PHAX: variants seen among roughly 807,000 people sequenced by gnomAD.
PHAX encodes phosphorylated adapter RNA export protein.
In PHAX, 31 loss-of-function variants were observed where a neutral mutation model predicts 41.6. The observed-to-expected ratio is 0.75, with a 90% CI of 0.56 to 1.01. The LOEUF is 1.01. Ranked by LOEUF, PHAX falls within the 50% of genes least tolerant of loss-of-function variation. PHAX has a pLI of 0.00. For synonymous variants in PHAX, 175 were observed against 164.9 expected (o/e 1.06, Z -0.47); for missense variants, 453 against 472.9 (o/e 0.96, Z 0.39).
chr5:126,609,723 A>C (rs555062767), intron 3 of PHAX, among the ~76,000 whole-genome samples: 32 of 151,894 alleles, frequency 2.1e-4, no homozygotes, highest in African/African-American at 4.6e-4. Flanking sequence ...AAAAAAAAAA[A>C]ACAAAACACC....
At chr5:126,619,512 G>A (rs767061971) in intron 4 of PHAX, among the ~76,000 whole-genome samples, 1 of 150,588 alleles carries the variant, frequency 6.6e-6, no homozygotes, top group Non-Finnish European at 1.5e-5. Context: ...GGAGGTGGAC[G>A]TCGCAGTAAG....
At position 126,608,480 on chromosome 5, in the gene PHAX, T is replaced by TAA; in HGVS notation, c.828_829dup (p.Met277LysfsTer2). 6.2e-7 allele frequency: 1 copy of TAA among 1,613,178 alleles called. No homozygotes were observed. The highest frequency in any genetic ancestry group is 8.5e-7 in the Non-Finnish European group (1 of 1,179,336). ...GTTGAACAAAATGGTGGTCTCTTTA[T>TAA]AATGGTAAGACTGCTTAACTGTTTT... On this transcript the variant is annotated frameshift_variant, in exon 3 of 5. Coordinates refer to ENST00000297540, the MANE Select transcript of PHAX (RefSeq NM_032177.4). LOFTEE classifies it high-confidence loss of function.
At chr5:126,610,208 T>C (rs908459279) in intron 3 of PHAX, among the ~76,000 whole-genome samples, 1 of 152,242 alleles carries the variant, frequency 6.6e-6, no homozygotes, top group Non-Finnish European at 1.5e-5. Context: ...AGCTCTTTAC[T>C]GTTTCAGAAT....
chr5:126,618,594 A>G (rs1203074265), intron 4 of PHAX, among the ~76,000 whole-genome samples: 1 of 150,928 alleles, frequency 6.6e-6, no homozygotes, highest in Non-Finnish European at 1.5e-5. Context: ...CATTTGTTGT[A>G]TCTCCTCCTG....
Position 126,603,829 on chromosome 5 carries a change from G to T in PHAX, c.356G>T (p.Gly119Val). Residue 119 changes from glycine to valine, a missense_variant, in exon 2 of 5, where the codon GGT becomes GTT. Coordinates refer to ENST00000297540, the MANE Select transcript of PHAX (RefSeq NM_032177.4). ...GGAAAGAAGATTAACAACATATGGGGTGCTGTGCTGCAGGAACAGAATCAA... is the reference window on the plus strand; with the variant it reads ...GGAAAGAAGATTAACAACATATGGGTTGCTGTGCTGCAGGAACAGAATCAA... ...AGGKKINNIW[G>V]AVLQEQNQDA... The T allele has an allele frequency of 6.2e-7, 1 of 1,614,116 alleles. No homozygotes were observed. The highest frequency in any genetic ancestry group is 1.1e-5 in the South Asian group (1 of 91,076).
chr5:126,623,799 C>A lies in PHAX; in HGVS notation c.916-776C>A, dbSNP rs1752307146. On this transcript the variant is annotated intron_variant, in intron 4 of 4. Coordinates refer to ENST00000297540, the MANE Select transcript of PHAX (RefSeq NM_032177.4). ...ACAAGAAGGGATTGGGATTTGTATT[C>A]TTTAAGAATATAACAGGGACTGGCT... Among the ~76,000 whole-genome samples, 4 of 152,044 alleles carry A rather than the reference C, an allele frequency of 2.6e-5. 1 individual carries two copies. The highest frequency in any genetic ancestry group is 7.2e-5 in the African/African-American group (3 of 41,394).
intron 4 of PHAX, among the ~76,000 whole-genome samples, chr5:126,619,448 C>T (rs575034775): frequency 4.6e-5 from 7 of 151,838 alleles, no homozygotes; most frequent in Admixed American, 6.6e-5. Context: ...TGGTGGCGGG[C>T]GCCTGTAATC....
chr5:126,604,907 G>T (rs556323561), intron 2 of PHAX, among the ~76,000 whole-genome samples: 1 of 151,964 alleles, frequency 6.6e-6, no homozygotes, highest in Non-Finnish European at 1.5e-5. Context: ...GGTAGTGGGC[G>T]CCTGTAATCC....
chr5:126,613,857 C>A (rs1314793830), intron 3 of PHAX, among the ~76,000 whole-genome samples: 1 of 151,562 alleles, frequency 6.6e-6, no homozygotes, highest in Non-Finnish European at 1.5e-5. Flanking sequence ...GTCACTGCAG[C>A]CTCGACCTCC....
chr5:126,623,407 A>G (rs1439651705), intron 4 of PHAX, among the ~76,000 whole-genome samples: 1 of 152,206 alleles, frequency 6.6e-6, no homozygotes, highest in Non-Finnish European at 1.5e-5. Context: ...AAGGATAGTT[A>G]ACTACCTCAT....
rs145915074 is a variant in PHAX, at chr5:126,604,126, G to A, written c.653G>A (p.Arg218Gln). ...GNRPEMNYKGRYEITAEDSQE... is the reference protein window; with the variant it reads ...GNRPEMNYKGQYEITAEDSQE... ...AGACCAGAAATGAACTATAAAGGTC[G>A]ATACGAGATCACAGCGGAAGATTCT... The change falls in exon 2 of 5, where the codon CGA (arginine) becomes CAA (glutamine). Residue 218 changes from arginine to glutamine, a missense_variant. Physicochemically the swap from Arg to Gln is conservative, Grantham distance 43. Coordinates refer to ENST00000297540, the MANE Select transcript of PHAX (RefSeq NM_032177.4). The A allele has an allele frequency of 9.0e-5, 143 of 1,588,984 alleles. No homozygotes were observed. In the African/African-American group the frequency reaches 1.3e-3, roughly 14 times the overall value.
chr5:126,607,120 A>G (rs998149999), intron 2 of PHAX, among the ~76,000 whole-genome samples: 4 of 152,232 alleles, frequency 2.6e-5, no homozygotes, highest in Non-Finnish European at 4.4e-5. Flanking sequence ...GATACGGTTC[A>G]AGAGTAATGC....
rs1752328199 is a variant in PHAX, at chr5:126,625,098, A to G, written c.*254A>G. The G allele has an allele frequency of 4.8e-6, 2 of 414,594 alleles. No individual in the cohort carries two copies. Among genetic ancestry groups the G allele is most frequent in the East Asian group, 4.3e-5 (1 of 23,394 alleles). 25.7% of individuals were successfully genotyped at this position (414,594 alleles called of 1,614,324 possible). On this transcript the variant is annotated 3_prime_UTR_variant, in exon 5 of 5. Coordinates refer to ENST00000297540, the MANE Select transcript of PHAX (RefSeq NM_032177.4). ...GTTGCATGTGCTAATTATGAGTATT[A>G]CTAGTTGATAATCAGTTTTGTCTAG...
At chr5:126,605,810 A>T (rs531893686) in intron 2 of PHAX, among the ~76,000 whole-genome samples, 232 of 152,306 alleles carry the variant, frequency 1.5e-3, no homozygotes, top group Non-Finnish European at 2.9e-3. Flanking sequence ...ATATATTTTT[A>T]AATCATGGGT....
chr5:126,602,894 A>G (rs1751925983), intron 1 of PHAX, among the ~76,000 whole-genome samples: 1 of 151,520 alleles, frequency 6.6e-6, no homozygotes. Flanking sequence ...AGTCCCAGCT[A>G]CTCCGGAGGC....
At position 126,623,003 on chromosome 5, in the gene PHAX, G is replaced by A. The variant is rs142562061; in HGVS notation, c.916-1572G>A. 6.9e-3 allele frequency among the ~76,000 whole-genome samples: 1,049 copies of A among 152,026 alleles called. 15 individuals are homozygous for A. Among genetic ancestry groups the A allele is most frequent in the African/African-American group, 0.024 (1,010 of 41,450 alleles). ...TAGTTAGGTGTGGTAGCTCACGCCTGTAGTTCCAGCTACTCTAGAGGCCAA... is the reference window on the plus strand; with the variant it reads ...TAGTTAGGTGTGGTAGCTCACGCCTATAGTTCCAGCTACTCTAGAGGCCAA... On this transcript the variant is annotated intron_variant, in intron 4 of 4. Transcript: ENST00000297540.
chr5:126,614,134 T>C (rs896236460), intron 3 of PHAX, among the ~76,000 whole-genome samples: 2 of 152,202 alleles, frequency 1.3e-5, no homozygotes, highest in African/African-American at 4.8e-5. Context: ...AGTCTTGCTC[T>C]GTCACCCAGG....
intron 3 of PHAX, among the ~76,000 whole-genome samples, chr5:126,616,030 A>G (rs928051657): frequency 1.3e-5 from 2 of 150,156 alleles, no homozygotes; most frequent in Non-Finnish European, 2.9e-5. Context: ...GTGGCTACCC[A>G]GTAGCTCAAC....
intron 4 of PHAX, among the ~76,000 whole-genome samples, chr5:126,618,401 A>T (rs1053505251): frequency 1.3e-5 from 2 of 152,148 alleles, no homozygotes; most frequent in Non-Finnish European, 2.9e-5. Context: ...ATACAAAAAA[A>T]AAGTATCTCC....
Sources: allele counts gnomAD v4.1 joint callset (sites outside exome capture counted in the v4.1 genomes callset), GRCh38; gene constraint gnomAD v4.1.1; transcripts MANE v1.5; gene names NCBI Gene and HGNC (gene_info 2026-07-23, HGNC 2026-07-21).